NREP: variants seen among roughly 807,000 people sequenced by gnomAD.
NREP encodes neuronal regeneration-related protein.
NREP carries 5 observed loss-of-function variants against 8.6 expected under a neutral mutation model. The observed-to-expected ratio is 0.58, with a 90% CI of 0.30 to 1.22. NREP has a LOEUF of 1.22. NREP is among the 50% of genes most tolerant of loss of function. NREP has a pLI of 0.07. For missense variants in NREP, 86 were observed against 82.5 expected, an observed-to-expected ratio of 1.04 and a Z score of -0.17; for synonymous variants, 27 against 28.0, an observed-to-expected ratio of 0.96 and a Z score of 0.11.
At chr5:111,795,977 T>C (rs1039452180) in intron 2 of NREP, among the ~76,000 whole-genome samples, 1 of 152,246 alleles carries the variant, frequency 6.6e-6, no homozygotes, top group African/African-American at 2.4e-5. Context: ...TAGTCTCATA[T>C]TGCTGCTGTA....
At chr5:111,765,240 A>G (rs917160794) in intron 2 of NREP, among the ~76,000 whole-genome samples, 27 of 152,166 alleles carry the variant, frequency 1.8e-4, no homozygotes, top group African/African-American at 6.0e-4. Context: ...TCACAGTCCT[A>G]TGAGAATCTA....
chr5:111,757,479 A>T (rs1469834183), upstream of NREP: 5 of 984,892 alleles, frequency 5.1e-6, no homozygotes, highest in Non-Finnish European at 6.0e-6. Flanking sequence ...GTGAACAATG[A>T]GCTAATTCTG....
chr5:111,862,962 T>C (rs1284168623), intron 2 of NREP, among the ~76,000 whole-genome samples: 1 of 150,570 alleles, frequency 6.6e-6, no homozygotes, highest in Non-Finnish European at 1.5e-5. Flanking sequence ...TTAAAAGACA[T>C]ATGAAATATC....
At chr5:111,912,341 T>C (rs906324178) in intron 2 of NREP, among the ~76,000 whole-genome samples, 1 of 152,006 alleles carries the variant, frequency 6.6e-6, no homozygotes, top group Non-Finnish European at 1.5e-5. Flanking sequence ...CTGAATTACT[T>C]CTTGACCCTC....
At chr5:111,789,949 G>T (rs552832763) in intron 2 of NREP, among the ~76,000 whole-genome samples, 1 of 152,148 alleles carries the variant, frequency 6.6e-6, no homozygotes, top group Non-Finnish European at 1.5e-5. Flanking sequence ...ATAAATTTAT[G>T]TAGAGGAGAA....
intron 2 of NREP, among the ~76,000 whole-genome samples, chr5:111,876,197 C>A (rs1256724106): frequency 6.6e-6 from 1 of 152,348 alleles, no homozygotes; most frequent in East Asian, 1.9e-4. Context: ...CATCCCCATG[C>A]ATGCTTCTAG....
intron 2 of NREP, among the ~76,000 whole-genome samples, chr5:111,767,319 C>G (rs1315579592): frequency 6.6e-6 from 1 of 152,074 alleles, no homozygotes; most frequent in African/African-American, 2.4e-5. Flanking sequence ...TTATTAGTTT[C>G]CGAAGAATCT....
intron 2 of NREP, among the ~76,000 whole-genome samples, chr5:111,967,235 C>A (rs1756668002): frequency 6.6e-6 from 1 of 152,194 alleles, no homozygotes; most frequent in Non-Finnish European, 1.5e-5. Flanking sequence ...GCCCGTCATG[C>A]ACCATTAACA....
At chr5:111,960,063 T>C (rs889146673) in intron 2 of NREP, among the ~76,000 whole-genome samples, 4 of 149,022 alleles carry the variant, frequency 2.7e-5, no homozygotes, top group Non-Finnish European at 5.9e-5. Flanking sequence ...AAAAACTAAA[T>C]TTGTTAATTT....
At chr5:111,933,440 G>A (rs1755597839) in intron 2 of NREP, among the ~76,000 whole-genome samples, 1 of 152,110 alleles carries the variant, frequency 6.6e-6, no homozygotes, top group Non-Finnish European at 1.5e-5. Flanking sequence ...TTTAGAAGAT[G>A]GGATTCTAAT....
intron 3 of NREP, among the ~76,000 whole-genome samples, chr5:111,731,586 G>T (rs765960378): frequency 6.6e-6 from 1 of 152,090 alleles, no homozygotes; most frequent in Non-Finnish European, 1.5e-5. Flanking sequence ...GACAGAAGTG[G>T]CTACCAAAGA....
At chr5:111,901,276 A>G (rs1011950848) in intron 2 of NREP, among the ~76,000 whole-genome samples, 3 of 152,246 alleles carry the variant, frequency 2.0e-5, no homozygotes, top group African/African-American at 7.2e-5. Flanking sequence ...TCTTAGAAGA[A>G]AAAGTAATTG....
chr5:111,779,117 C>A (rs1751431195), intron 2 of NREP, among the ~76,000 whole-genome samples: 1 of 151,960 alleles, frequency 6.6e-6, no homozygotes, highest in African/African-American at 2.4e-5. Context: ...AATTAAAATA[C>A]ATTCCTATTT....
chr5:111,888,869 G>A (rs1754325588), intron 2 of NREP, among the ~76,000 whole-genome samples: 1 of 152,146 alleles, frequency 6.6e-6, no homozygotes, highest in Admixed American at 6.5e-5. Flanking sequence ...TAAGAACATA[G>A]GAGTACAAAA....
At chr5:111,939,324 A>C (rs1479462346) in intron 2 of NREP, among the ~76,000 whole-genome samples, 1 of 152,058 alleles carries the variant, frequency 6.6e-6, no homozygotes, top group African/African-American at 2.4e-5. Context: ...GAGTAGGAAA[A>C]ATACAAGGAG....
At chr5:111,908,460 C>T (rs1754829422) in intron 2 of NREP, among the ~76,000 whole-genome samples, 1 of 151,952 alleles carries the variant, frequency 6.6e-6, no homozygotes. Flanking sequence ...TCACCAGTGT[C>T]TCTTAGTATC....
rs538618473 is a variant in NREP, at chr5:111,839,589, G to A, written c.136-104082C>T. On this transcript the variant is annotated intron_variant, in intron 2 of 3. Coordinates refer to the NREP transcript ENST00000395634. ...TCCTGTCATTAAATTATAATGAAGT[G>A]TTGGTGACCTTTCTGTTATGGTTAC... Among the ~76,000 whole-genome samples the A allele has an allele frequency of 1.1e-4, 17 of 152,140 alleles. No homozygotes were observed. The South Asian group carries it at 3.3e-3, about 30-fold the overall frequency.
Position 111,809,233 on chromosome 5 carries a change from G to A in NREP, c.136-73726C>T, listed in dbSNP as rs770755571. On this transcript the variant is annotated intron_variant, in intron 2 of 3. Transcript: ENST00000395634. Reference sequence around the variant, plus strand: ...CAGTTACCTTATTTTAGATTTATATGACTCTGAACCAAACCATATGTTCAT... The same window carrying A: ...CAGTTACCTTATTTTAGATTTATATAACTCTGAACCAAACCATATGTTCAT... Among the ~76,000 whole-genome samples the A allele has an allele frequency of 4.6e-5, 7 of 151,978 alleles. No individual in the cohort carries two copies. In the South Asian group the frequency reaches 6.2e-4, roughly 14 times the overall value.
At chr5:111,803,213 A>C (rs982929296) in intron 2 of NREP, among the ~76,000 whole-genome samples, 10 of 152,196 alleles carry the variant, frequency 6.6e-5, no homozygotes, top group Non-Finnish European at 1.5e-4. Flanking sequence ...ATTTTATAAA[A>C]TAAAATTTGA....
Sources: gnomAD v4.1 joint callset for allele counts (sites outside exome capture counted in the v4.1 genomes callset) on GRCh38, gnomAD v4.1.1 for gene constraint, MANE v1.5 for transcripts, NCBI Gene and HGNC (gene_info 2026-07-23, HGNC 2026-07-21) for gene names.